The following LATS2 variants were observed in gnomAD, a reference collection of about 807,000 sequenced individuals.
LATS2 encodes the protein large tumor suppressor kinase 2, also known as serine/threonine-protein kinase LATS2.
LATS2 carries 24 observed loss-of-function variants against 76.0 expected under a neutral mutation model. The observed-to-expected ratio is 0.32, with a 90% confidence interval of 0.23 to 0.44. LATS2 has a LOEUF of 0.44. Among genes scored for constraint, LATS2 ranks in the 20% least tolerant of loss-of-function variants. LATS2 has a pLI of 1.00. For synonymous variants in LATS2, 692 were observed against 635.4 expected (o/e 1.09, Z -1.34); for missense variants, 1,286 against 1,481.2 (o/e 0.87, Z 2.16).
intron 1 of LATS2, among the ~76,000 whole-genome samples, chr13:21,050,147 G>GATACATAC (rs6144947): frequency 2.2e-4 from 12 of 53,840 alleles, no homozygotes; most frequent in African/African-American, 4.7e-4. Context: ...TAGATAGATA[G>GATACATAC]ATACATACAT....
intron 2 of LATS2, among the ~76,000 whole-genome samples, chr13:20,997,184 G>A (rs1870795721): frequency 1.3e-5 from 2 of 152,232 alleles, no homozygotes; most frequent in Admixed American, 1.3e-4. Flanking sequence ...CTGGTTTACT[G>A]CTGCTACTGA....
intron 1 of LATS2, among the ~76,000 whole-genome samples, chr13:21,046,557 C>A (rs1002695977): frequency 4.6e-5 from 7 of 152,042 alleles, no homozygotes; most frequent in African/African-American, 1.7e-4. Flanking sequence ...ATTTTGAAAC[C>A]CACAGCTTGA....
chr13:20,990,580 A>C (rs1298289299), intron 3 of LATS2, among the ~76,000 whole-genome samples: 1 of 147,952 alleles, frequency 6.8e-6, no homozygotes, highest in African/African-American at 2.5e-5. Flanking sequence ...TTGGGATTAC[A>C]CAAAACAAAA....
chr13:20,992,300 G>T (rs1292666520), intron 2 of LATS2, among the ~76,000 whole-genome samples: 2 of 152,190 alleles, frequency 1.3e-5, no homozygotes, highest in African/African-American at 2.4e-5. Flanking sequence ...GCTCTCCAGG[G>T]TTTTGCTCCT....
intron 2 of LATS2, among the ~76,000 whole-genome samples, chr13:21,012,456 G>A (rs1470729855): frequency 6.6e-6 from 1 of 152,202 alleles, no homozygotes; most frequent in African/African-American, 2.4e-5. Context: ...GAATTTTCCA[G>A]CTCCATCACA....
At position 20,979,806 on chromosome 13, in the gene LATS2, C is replaced by CA. The variant is rs756442095; in HGVS notation, c.2666-10dup. 14 of 1,499,716 alleles carry CA rather than the reference C, an allele frequency of 9.3e-6. No individual in the cohort carries two copies. The highest frequency in any genetic ancestry group is 1.3e-5 in the Non-Finnish European group (14 of 1,077,500). The allele number at this position is 1,499,716 out of a possible 1,614,324, so 92.9% of individuals were successfully genotyped here. A position where few individuals can be genotyped will look rare whatever the true frequency, so the allele number is the denominator to read the frequency against. ...ACAGAGTTGAGTGTACCCTGCAAGA[C>CA]AAAGTTCACTCAATCCCTACACAGG... On this transcript the variant is annotated splice_polypyrimidine_tract_variant and intron_variant, in intron 6 of 7. Transcript: ENST00000382592.
intron 2 of LATS2, among the ~76,000 whole-genome samples, chr13:21,022,615 G>T (rs185410852): frequency 2.1e-3 from 325 of 152,252 alleles, no homozygotes; most frequent in Middle Eastern, 3.4e-3. Context: ...TCAGAGGAAA[G>T]CTTTTTGTTT....
chr13:21,010,108 G>A (rs138001993), intron 2 of LATS2, among the ~76,000 whole-genome samples: 65 of 152,198 alleles, frequency 4.3e-4, no homozygotes, highest in Non-Finnish European at 7.8e-4. Context: ...GCTGAGGCAC[G>A]AGAATCGGTT....
At chr13:21,047,735 C>T (rs1565965673) in intron 1 of LATS2, among the ~76,000 whole-genome samples, 2 of 151,926 alleles carry the variant, frequency 1.3e-5, no homozygotes, top group Admixed American at 1.3e-4. Context: ...TAATATTCAC[C>T]CAGCCTTACT....
chr13:20,998,927 C>T (rs1020179464), intron 2 of LATS2, among the ~76,000 whole-genome samples: 4 of 150,558 alleles, frequency 2.7e-5, no homozygotes, highest in African/African-American at 7.3e-5. Context: ...GTAGGAGTCC[C>T]GGTGACCTTG....
chr13:21,022,573 T>A (rs976916553), intron 2 of LATS2, among the ~76,000 whole-genome samples: 3 of 152,192 alleles, frequency 2.0e-5, no homozygotes, highest in African/African-American at 7.2e-5. Context: ...TCATTCAAAA[T>A]GTTTGAAAAG....
chr13:21,034,949 G>A (rs932070115), intron 2 of LATS2, among the ~76,000 whole-genome samples: 2 of 152,056 alleles, frequency 1.3e-5, no homozygotes, highest in Non-Finnish European at 2.9e-5. Flanking sequence ...TCTAAGATGG[G>A]GCTGAGCACA....
At chr13:21,006,634 C>T (rs922456053) in intron 2 of LATS2, among the ~76,000 whole-genome samples, 2 of 152,228 alleles carry the variant, frequency 1.3e-5, no homozygotes, top group African/African-American at 4.8e-5. Flanking sequence ...TGTGAAGACT[C>T]TGCTCTTCAC....
Position 20,983,378 on chromosome 13 carries a change from A to C in LATS2, c.2328T>G (p.Thr776=), listed in dbSNP as rs1357630741. 6.2e-7 allele frequency: 1 copy of C among 1,614,100 alleles called. No homozygotes were observed. The highest frequency in any genetic ancestry group is 2.2e-5 in the East Asian group (1 of 44,880). Residue 776 remains threonine, a synonymous_variant, in exon 5 of 8, where the codon ACT becomes ACG. Transcript: ENST00000382592. ...HLARFYIAEL[T]LAIESVHKMG... is the part of the protein sequence containing the mutation. ...TCTTGTGGACACTCTCAATGGCCAA[A>C]GTCAGCTCTGCGATGTAGAACCGGG...
chr13:21,007,821 G>A (rs1444989413), intron 2 of LATS2, among the ~76,000 whole-genome samples: 3 of 120,212 alleles, frequency 2.5e-5, no homozygotes, highest in Non-Finnish European at 5.2e-5. Context: ...GTGCAGTGGC[G>A]CAATCTTGGC....
chr13:21,031,964 T>C (rs1052387800), intron 2 of LATS2, among the ~76,000 whole-genome samples: 1 of 152,220 alleles, frequency 6.6e-6, no homozygotes, highest in Non-Finnish European at 1.5e-5. Context: ...AAAAATTGTT[T>C]AAAAAACTAA....
At chr13:20,998,616 C>A (rs1366050452) in intron 2 of LATS2, among the ~76,000 whole-genome samples, 1 of 152,240 alleles carries the variant, frequency 6.6e-6, no homozygotes, top group Non-Finnish European at 1.5e-5. Flanking sequence ...CACGGAAAGG[C>A]CCCTGGAAGA....
intron 2 of LATS2, among the ~76,000 whole-genome samples, chr13:20,998,377 TA>T (rs34666057): frequency 0.19 from 29,119 of 151,818 alleles, 3,537 homozygotes; most frequent in East Asian, 0.6. Context: ...AAAAATTAAT[TA>T]ATTAATTAAA....
At chr13:20,980,195 T>C (rs1232156766) in intron 6 of LATS2, among the ~76,000 whole-genome samples, 1 of 152,166 alleles carries the variant, frequency 6.6e-6, no homozygotes, top group African/African-American at 2.4e-5. Context: ...GGGAGGCTTC[T>C]AAGTCAGTTT....
Sources: allele counts gnomAD v4.1 joint callset (sites outside exome capture counted in the v4.1 genomes callset), GRCh38; gene constraint gnomAD v4.1.1; transcripts MANE v1.5; gene names NCBI Gene and HGNC (gene_info 2026-07-23, HGNC 2026-07-21).